Variants in NRL observed in about 807,000 individuals in gnomAD.
The protein encoded by NRL is neural retina-specific leucine zipper protein.
Under a neutral mutation model 12.5 loss-of-function variants are expected in NRL, and 16 were observed. That is an observed-to-expected ratio of 1.28 (90% CI 0.87 to 1.95). The LOEUF is 1.95. Among genes scored for constraint, NRL ranks in the 30% most tolerant of loss-of-function variants. The probability of loss-of-function intolerance (pLI) is 0.00; values close to 1 mark genes in which losing one functional copy is unlikely to be tolerated. For missense variants in NRL, 314 were observed against 325.8 expected (o/e 0.96, Z 0.28); for synonymous variants, 142 against 150.9 (o/e 0.94, Z 0.43).
chr14:24,099,108 G>A (rs200007127), intron 1 of NRL: 97 of 1,612,244 alleles, frequency 6.0e-5, no homozygotes, highest in African/African-American at 8.0e-5. Flanking sequence ...CCACGTGCCC[G>A]ACCAGCGGGA....
intron 1 of NRL, chr14:24,084,641 A>T: frequency 1.0e-6 from 1 of 985,376 alleles, no homozygotes; most frequent in Non-Finnish European, 1.2e-6. Context: ...GGCTGTGGGC[A>T]CAGAGCCCAA....
At chr14:24,099,588 A>C in intron 1 of NRL, 1 of 1,607,942 alleles carries the variant, frequency 6.2e-7, no homozygotes, top group Non-Finnish European at 8.5e-7. Context: ...TGCAGGGAAG[A>C]AGCGCTATGT....
intron 1 of NRL, among the ~76,000 whole-genome samples, chr14:24,109,901 T>C (rs1453238937): frequency 6.6e-6 from 1 of 152,170 alleles, no homozygotes; most frequent in Non-Finnish European, 1.5e-5. Flanking sequence ...AAAGATTTTA[T>C]TCAGGTTTAA....
At chr14:24,084,055 G>C (rs2036403989) in intron 1 of NRL, among the ~76,000 whole-genome samples, 1 of 152,124 alleles carries the variant, frequency 6.6e-6, no homozygotes, top group African/African-American at 2.4e-5. Context: ...TTCATCCCCA[G>C]GGCTTAGACT....
At chr14:24,108,041 A>C (rs2037365309) in intron 1 of NRL, among the ~76,000 whole-genome samples, 1 of 152,210 alleles carries the variant, frequency 6.6e-6, no homozygotes, top group African/African-American at 2.4e-5. Context: ...TTGGCTATGG[A>C]AGCTAGGCCA....
rs2036236949 is a variant in NRL at position 24,080,145 on chromosome 14, C to T, written c.*1091G>A. 6.6e-6 allele frequency: 1 copy of T among 152,296 alleles called. No individual in the cohort carries two copies. Among genetic ancestry groups the T allele is most frequent in the East Asian group, 1.9e-4 (1 of 5,186 alleles). The allele number at this position is 152,296 out of a possible 1,614,324, so 9.4% of individuals were successfully genotyped here. ...CTTCTTAAATTGCAAGAACATTTAG[C>T]TTATTGCATTAGAATTCTGCCTGGA... is the stretch of plus-strand genomic sequence containing the variant. On this transcript the variant is annotated 3_prime_UTR_variant, in exon 3 of 3. Transcript: ENST00000561028.
chr14:24,105,817 A>G (rs983572898), intron 1 of NRL, among the ~76,000 whole-genome samples: 1 of 152,184 alleles, frequency 6.6e-6, no homozygotes, highest in Non-Finnish European at 1.5e-5. Flanking sequence ...ATTTAGGACA[A>G]TCACTTGAAC....
At chr14:24,108,246 C>A (rs960030373) in intron 1 of NRL, among the ~76,000 whole-genome samples, 1 of 152,164 alleles carries the variant, frequency 6.6e-6, no homozygotes, top group Non-Finnish European at 1.5e-5. Context: ...TTCATTGATA[C>A]TGGATTGGTC....
intron 1 of NRL, among the ~76,000 whole-genome samples, chr14:24,090,187 G>A (rs2036575122): frequency 1.4e-5 from 2 of 147,332 alleles, no homozygotes; most frequent in South Asian, 2.1e-4. Context: ...GACTAATGCC[G>A]TAACCAAGTT....
At chr14:24,110,315 C>A in intron 1 of NRL, 1 of 399,554 alleles carries the variant, frequency 2.5e-6, no homozygotes, top group Non-Finnish European at 5.1e-6. Flanking sequence ...CGTCACATTG[C>A]CCAGGCTGAT....
intron 1 of NRL, 73 bp downstream of exon 1, chr14:24,114,649 G>A (rs2139004704): frequency 2.0e-6 from 2 of 982,080 alleles, no homozygotes; most frequent in Non-Finnish European, 2.4e-6. Context: ...CTCCTCCCCA[G>A]CAAGAGCTAA....
chr14:24,104,640 CAA>C (rs375795839), intron 1 of NRL, among the ~76,000 whole-genome samples: 1 of 106,178 alleles, frequency 9.4e-6, no homozygotes, highest in Non-Finnish European at 2.1e-5. Context: ...AACTCCGTCA[CAA>C]AAAAAAAAAA....
At chr14:24,089,678 G>A (rs2036562961) in intron 1 of NRL, among the ~76,000 whole-genome samples, 1 of 152,212 alleles carries the variant, frequency 6.6e-6, no homozygotes, top group African/African-American at 2.4e-5. Flanking sequence ...AGAAGAAGAA[G>A]GGCAGGGTGC....
At chr14:24,111,614 G>A (rs959737490) in intron 1 of NRL, among the ~76,000 whole-genome samples, 1 of 151,370 alleles carries the variant, frequency 6.6e-6, no homozygotes, top group Non-Finnish European at 1.5e-5. Flanking sequence ...TGATCCACCC[G>A]CCTTGGCCTC....
At chr14:24,113,669 C>A (rs1393623311) in intron 1 of NRL, among the ~76,000 whole-genome samples, 2 of 152,210 alleles carry the variant, frequency 1.3e-5, no homozygotes, top group Non-Finnish European at 2.9e-5. Flanking sequence ...ACATTCAGGA[C>A]CCTTCTAAGC....
rs201974284 is a variant in NRL, at chr14:24,099,132, G to A, written c.-28+15590C>T. The A allele has an allele frequency of 9.4e-5, 152 of 1,612,224 alleles. No individual in the cohort carries two copies. Among genetic ancestry groups the A allele is most frequent in the Middle Eastern group, 1.6e-4 (1 of 6,062 alleles). ...CGACCAGCGGGAGATCATCTCCTTC[G>A]GCAGCGGCTATGGTGGCAACTCCCT... is the stretch of plus-strand genomic sequence containing the variant. On this transcript the variant is annotated intron_variant, in intron 1 of 2. Transcript: ENST00000561028.
chr14:24,104,405 A>C (rs2037291825), intron 1 of NRL, among the ~76,000 whole-genome samples: 1 of 151,684 alleles, frequency 6.6e-6, no homozygotes, highest in African/African-American at 2.4e-5. Flanking sequence ...TGAGGCGCAC[A>C]GATCACGAGG....
chr14:24,106,699 C>T (rs1422737355), intron 1 of NRL, among the ~76,000 whole-genome samples: 4 of 147,548 alleles, frequency 2.7e-5, no homozygotes, highest in African/African-American at 7.7e-5. Flanking sequence ...CCAGCCTAGG[C>T]GACAGAGTGA....
chr14:24,106,732 A>T (rs2037344951), intron 1 of NRL, among the ~76,000 whole-genome samples: 1 of 134,948 alleles, frequency 7.4e-6, no homozygotes, highest in African/African-American at 3.2e-5. Context: ...AAAAAAAAAT[A>T]AATAAATAAA....
Sources: allele counts gnomAD v4.1 joint callset (sites outside exome capture counted in the v4.1 genomes callset), GRCh38; gene constraint gnomAD v4.1.1; transcripts MANE v1.5; gene names NCBI Gene and HGNC (gene_info 2026-07-23, HGNC 2026-07-21).